SPAG16: variants seen among roughly 807,000 people sequenced by gnomAD.
The protein encoded by SPAG16 is sperm associated antigen 16.
SPAG16 carries 86 observed loss-of-function variants against 80.4 expected under a neutral mutation model. The ratio of observed to expected loss-of-function variants is 1.07; its 90% CI spans 0.90 to 1.28. SPAG16 has a LOEUF of 1.28. Ranked by LOEUF, SPAG16 falls within the 50% of genes most tolerant of loss-of-function variation. The pLI is 0.00. For missense variants in SPAG16, 870 were observed against 765.3 expected (o/e 1.14, Z -1.61); for synonymous variants, 294 against 265.9 (o/e 1.11, Z -1.03).
At chr2:214,108,071 G>A in intron 13 of SPAG16, 125 bp from the exon 14 acceptor site, 1 of 654,260 alleles carries the variant, frequency 1.5e-6, no homozygotes, top group Non-Finnish European at 2.6e-6. Context: ...AATTTTCTAT[G>A]GTGAGAATGT....
chr2:213,938,860 T>C (rs1414551107), intron 12 of SPAG16, among the ~76,000 whole-genome samples: 1 of 142,402 alleles, frequency 7.0e-6, no homozygotes, highest in East Asian at 2.4e-4. Flanking sequence ...ATAATAAAGA[T>C]GAGGTTTTTT....
chr2:213,494,468 C>T (rs2074397041), intron 10 of SPAG16, among the ~76,000 whole-genome samples: 1 of 152,164 alleles, frequency 6.6e-6, no homozygotes. Context: ...CTCATTCCCT[C>T]ACCCTGCAAT....
At chr2:214,344,459 C>G (rs1159800089) in intron 15 of SPAG16, among the ~76,000 whole-genome samples, 2 of 152,024 alleles carry the variant, frequency 1.3e-5, no homozygotes, top group Admixed American at 1.3e-4. Flanking sequence ...GAACTTTTGA[C>G]AGGTTCTTTT....
chr2:214,408,558 CTTTTATAACTTT>C (rs1702123108), intron 15 of SPAG16, among the ~76,000 whole-genome samples: 1 of 152,112 alleles, frequency 6.6e-6, no homozygotes, highest in Admixed American at 6.5e-5. Context: ...GTTAGCTTTA[CTTTTATAACTTT>C]TCTCTGTTTT....
chr2:213,955,808 ATTG>A (rs1194820475), intron 12 of SPAG16, among the ~76,000 whole-genome samples: 1 of 152,016 alleles, frequency 6.6e-6, no homozygotes, highest in African/African-American at 2.4e-5. Context: ...TTTTATAATC[ATTG>A]TTATTTCTGT....
intron 15 of SPAG16, among the ~76,000 whole-genome samples, chr2:214,218,924 A>C (rs2058497700): frequency 6.6e-6 from 1 of 152,172 alleles, no homozygotes; most frequent in African/African-American, 2.4e-5. Context: ...TATTGTTGAA[A>C]GGCTTGGGTT....
At chr2:214,060,396 A>G (rs897131685) in intron 13 of SPAG16, among the ~76,000 whole-genome samples, 1 of 152,224 alleles carries the variant, frequency 6.6e-6, no homozygotes, top group Non-Finnish European at 1.5e-5. Context: ...CTAAAGGATA[A>G]AATGAAATGC....
chr2:213,590,320 G>C (rs2060638599), intron 10 of SPAG16, among the ~76,000 whole-genome samples: 1 of 151,884 alleles, frequency 6.6e-6, no homozygotes. Flanking sequence ...AGTGAATATA[G>C]TACATGATAG....
intron 10 of SPAG16, among the ~76,000 whole-genome samples, chr2:213,677,397 G>T (rs1434767043): frequency 2.0e-5 from 3 of 152,044 alleles, no homozygotes; most frequent in Non-Finnish European, 4.4e-5. Flanking sequence ...GACACACATA[G>T]GCTCAAAATA....
At chr2:213,943,159 T>C (rs1392083397) in intron 12 of SPAG16, among the ~76,000 whole-genome samples, 1 of 152,170 alleles carries the variant, frequency 6.6e-6, no homozygotes, top group Non-Finnish European at 1.5e-5. Context: ...CTGTGGTATT[T>C]TTGTTGTAAC....
At chr2:214,099,447 G>A (rs16851461) in intron 13 of SPAG16, among the ~76,000 whole-genome samples, 13,220 of 151,992 alleles carry the variant, frequency 0.087, 752 homozygotes, top group East Asian at 0.28. Flanking sequence ...GTGTTTATAC[G>A]AATAAGAGAT....
At chr2:213,950,271 T>C (rs1196663403) in intron 12 of SPAG16, among the ~76,000 whole-genome samples, 2 of 152,206 alleles carry the variant, frequency 1.3e-5, no homozygotes, top group Non-Finnish European at 2.9e-5. Flanking sequence ...ATCTTTATTT[T>C]TCTTTATTCT....
At chr2:213,833,539 A>T (rs373819547) in intron 10 of SPAG16, among the ~76,000 whole-genome samples, 13 of 752 alleles carry the variant, frequency 0.017, 1 homozygote, top group Admixed American at 0.083. Flanking sequence ...TATTATATAT[A>T]ATATATATAA....
intron 15 of SPAG16, among the ~76,000 whole-genome samples, chr2:214,242,607 T>C (rs146248487): frequency 3.4e-3 from 523 of 152,264 alleles, no homozygotes; most frequent in African/African-American, 0.012. Context: ...ATATTGCATT[T>C]TTCTACATTT....
At chr2:214,379,833 A>G (rs903327103) in intron 15 of SPAG16, among the ~76,000 whole-genome samples, 1 of 78,500 alleles carries the variant, frequency 1.3e-5, no homozygotes, top group South Asian at 2.8e-4. Context: ...AGGACTAACA[A>G]ACACCAAAGA....
intron 13 of SPAG16, among the ~76,000 whole-genome samples, chr2:214,087,115 T>C (rs2051821743): frequency 6.6e-6 from 1 of 152,144 alleles, no homozygotes; most frequent in South Asian, 2.1e-4. Flanking sequence ...TCAGGCACTG[T>C]ACTAATATAT....
At chr2:214,403,981 T>A (rs914231284) in intron 15 of SPAG16, among the ~76,000 whole-genome samples, 7 of 152,214 alleles carry the variant, frequency 4.6e-5, no homozygotes, top group Admixed American at 1.3e-4. Flanking sequence ...ATAGGTAGGT[T>A]GATTTTTGTT....
chr2:214,403,244 G>A (rs972478200), intron 15 of SPAG16, among the ~76,000 whole-genome samples: 1 of 151,260 alleles, frequency 6.6e-6, no homozygotes, highest in African/African-American at 2.4e-5. Flanking sequence ...TATGTGATAT[G>A]TGATATACTA....
chr2:213,286,958 C>T (rs1029479808), intron 1 of SPAG16, among the ~76,000 whole-genome samples: 6 of 152,198 alleles, frequency 3.9e-5, no homozygotes, highest in Admixed American at 2.6e-4. Flanking sequence ...AAAAAGAGTT[C>T]TTACCCTGCA....
Sources: gnomAD v4.1 joint callset for allele counts (sites outside exome capture counted in the v4.1 genomes callset) on GRCh38, gnomAD v4.1.1 for gene constraint, MANE v1.5 for transcripts, NCBI Gene and HGNC (gene_info 2026-07-23, HGNC 2026-07-21) for gene names.